MTUS2: variants seen among roughly 807,000 people sequenced by gnomAD.
MTUS2 encodes microtubule-associated tumor suppressor candidate 2.
In MTUS2, 40 loss-of-function variants were observed where a neutral mutation model predicts 114.1. That is an observed-to-expected ratio of 0.35 (90% CI 0.27 to 0.46). MTUS2 has a LOEUF of 0.46. MTUS2 is among the 20% of genes least tolerant of loss of function. MTUS2 has a pLI of 1.00. For missense variants in MTUS2, 1,679 were observed against 1,705.4 expected, an observed-to-expected ratio of 0.98 and a Z score of 0.27; for synonymous variants, 688 against 672.0, an observed-to-expected ratio of 1.02 and a Z score of -0.37.
At chr13:29,082,313 A>G (rs1266826282) in intron 4 of MTUS2, among the ~76,000 whole-genome samples, 1 of 152,144 alleles carries the variant, frequency 6.6e-6, no homozygotes, top group African/African-American at 2.4e-5. Flanking sequence ...GCATTTTGTT[A>G]TGACGGCCTG....
intron 2 of MTUS2, among the ~76,000 whole-genome samples, chr13:28,922,006 T>G (rs1446486086): frequency 6.6e-6 from 1 of 152,142 alleles, no homozygotes; most frequent in African/African-American, 2.4e-5. Flanking sequence ...CATGTCAAAT[T>G]GTAATTTCCA....
chr13:28,939,423 T>A (rs1418799807), intron 2 of MTUS2, among the ~76,000 whole-genome samples: 1 of 152,192 alleles, frequency 6.6e-6, no homozygotes, highest in Non-Finnish European at 1.5e-5. Flanking sequence ...TGTTTTAATT[T>A]GTGTAGCATA....
chr13:28,900,393 C>T (rs1180954990), intron 2 of MTUS2, among the ~76,000 whole-genome samples: 1 of 152,148 alleles, frequency 6.6e-6, no homozygotes, highest in East Asian at 1.9e-4. Context: ...CCTTCACCAC[C>T]AGGATCCCTC....
Position 29,033,946 on chromosome 13 carries a change from C to T in MTUS2, c.2267C>T (p.Pro756Leu), listed in dbSNP as rs978347196. The T allele has an allele frequency of 1.2e-6, 2 of 1,613,868 alleles. No individual in the cohort carries two copies. Among genetic ancestry groups the T allele is most frequent in the African/African-American group, 2.7e-5 (2 of 74,910 alleles). Reference sequence around the variant, plus strand: ...CCTCCCTATGCTCATTATGAAGTCCCTCCAACTTTCTATCGGTCAGCCATG... The same window carrying T: ...CCTCCCTATGCTCATTATGAAGTCCTTCCAACTTTCTATCGGTCAGCCATG... Reference protein sequence around the residue: ...CSPPYAHYEVPPTFYRSAMLL... With the variant: ...CSPPYAHYEVLPTFYRSAMLL... The change falls in exon 4 of 16, where the codon CCT (proline) becomes CTT (leucine). Residue 756 changes from proline (P) to leucine (L), a missense_variant. Coordinates refer to ENST00000612955, the MANE Select transcript of MTUS2 (RefSeq NM_001033602.4).
At chr13:29,498,794 G>T (rs1450330230) in intron 14 of MTUS2, among the ~76,000 whole-genome samples, 1 of 152,178 alleles carries the variant, frequency 6.6e-6, no homozygotes, top group Non-Finnish European at 1.5e-5. Flanking sequence ...TTTTCCCACA[G>T]TTGTGCTGTC....
At chr13:29,050,287 C>T (rs1887831507) in intron 4 of MTUS2, among the ~76,000 whole-genome samples, 1 of 152,124 alleles carries the variant, frequency 6.6e-6, no homozygotes, top group African/African-American at 2.4e-5. Flanking sequence ...AAATGAAGTA[C>T]AGAGACTGGA....
At chr13:28,858,114 C>G (rs1876749907) in intron 2 of MTUS2, among the ~76,000 whole-genome samples, 1 of 152,118 alleles carries the variant, frequency 6.6e-6, no homozygotes, top group Non-Finnish European at 1.5e-5. Context: ...TGTGCCTTTC[C>G]CTTAGAGGCT....
intron 2 of MTUS2, among the ~76,000 whole-genome samples, chr13:28,843,695 ATC>A (rs1875663717): frequency 6.6e-6 from 1 of 152,178 alleles, no homozygotes. Context: ...CCCTGCACCA[ATC>A]TCTTGTATGT....
chr13:28,851,857 G>C (rs1178124408), intron 2 of MTUS2, among the ~76,000 whole-genome samples: 2 of 152,164 alleles, frequency 1.3e-5, no homozygotes. Context: ...TTCCTGGAGC[G>C]GGTGGCATTG....
chr13:29,423,749 C>T (rs1343771412), intron 8 of MTUS2, among the ~76,000 whole-genome samples: 1 of 152,172 alleles, frequency 6.6e-6, no homozygotes, highest in Non-Finnish European at 1.5e-5. Flanking sequence ...TCCTGTCCTT[C>T]CTGTACAAAC....
At chr13:28,855,682 C>T (rs1306409942) in intron 2 of MTUS2, among the ~76,000 whole-genome samples, 1 of 152,116 alleles carries the variant, frequency 6.6e-6, no homozygotes, top group East Asian at 1.9e-4. Context: ...CATTGATGGG[C>T]ATTTGGGTTG....
chr13:28,995,275 C>G (rs1246420402), intron 2 of MTUS2, among the ~76,000 whole-genome samples: 3 of 152,192 alleles, frequency 2.0e-5, no homozygotes, highest in Non-Finnish European at 1.5e-5. Context: ...TGTTTTGGTA[C>G]CAGTACCGTG....
chr13:29,158,623 A>T (rs1395270769), intron 5 of MTUS2, among the ~76,000 whole-genome samples: 2 of 152,066 alleles, frequency 1.3e-5, no homozygotes, highest in Admixed American at 6.5e-5. Flanking sequence ...GGAATAGGGG[A>T]TGCAGCAGTT....
chr13:28,923,279 A>T (rs1396182278), intron 2 of MTUS2, among the ~76,000 whole-genome samples: 1 of 152,148 alleles, frequency 6.6e-6, no homozygotes, highest in Non-Finnish European at 1.5e-5. Flanking sequence ...TGTTGGTGTC[A>T]GTTGTCTTTT....
At chr13:29,193,086 A>G (rs2139201483) in intron 5 of MTUS2, among the ~76,000 whole-genome samples, 1 of 152,330 alleles carries the variant, frequency 6.6e-6, no homozygotes, top group Non-Finnish European at 1.5e-5. Flanking sequence ...GAATGTTGAA[A>G]GAGGTTCATT....
At chr13:28,946,212 C>T (rs1433876602) in intron 2 of MTUS2, among the ~76,000 whole-genome samples, 1 of 152,116 alleles carries the variant, frequency 6.6e-6, no homozygotes, top group Non-Finnish European at 1.5e-5. Flanking sequence ...TTAAATTCAC[C>T]AGTCTAGCAA....
intron 2 of MTUS2, among the ~76,000 whole-genome samples, chr13:28,913,915 T>TAGTA (rs1194440431): frequency 6.6e-6 from 1 of 152,178 alleles, no homozygotes; most frequent in East Asian, 1.9e-4. Context: ...GAGGTGTTTA[T>TAGTA]AGTATTCTCT....
intron 2 of MTUS2, among the ~76,000 whole-genome samples, chr13:29,014,953 A>G (rs1321281697): frequency 6.6e-6 from 1 of 152,216 alleles, no homozygotes; most frequent in African/African-American, 2.4e-5. Context: ...TCCTCCATAG[A>G]AAGGAACAAA....
chr13:28,997,836 C>T (rs1009208166), intron 2 of MTUS2, among the ~76,000 whole-genome samples: 5 of 152,250 alleles, frequency 3.3e-5, no homozygotes, highest in African/African-American at 7.2e-5. Context: ...GGTCTTGACT[C>T]TTTATCCAAT....
Sources: gnomAD v4.1 joint callset for allele counts (sites outside exome capture counted in the v4.1 genomes callset) on GRCh38, gnomAD v4.1.1 for gene constraint, MANE v1.5 for transcripts, NCBI Gene and HGNC (gene_info 2026-07-23, HGNC 2026-07-21) for gene names.